DOCK1: variants seen among roughly 807,000 people sequenced by gnomAD.
The protein encoded by DOCK1 is dedicator of cytokinesis protein 1.
In DOCK1, 138 loss-of-function variants were observed where a neutral mutation model predicts 262.7. The observed-to-expected ratio is 0.53, with a 90% CI of 0.46 to 0.61. The LOEUF (loss-of-function observed/expected upper bound fraction) is 0.61. Ranked by LOEUF, DOCK1 falls within the 20% of genes least tolerant of loss-of-function variation. The pLI, the probability that DOCK1 is intolerant of heterozygous loss-of-function variation, is 0.00. For missense variants in DOCK1, 1,908 were observed against 2,370.7 expected (o/e 0.80, Z 4.05); for synonymous variants, 866 against 867.4 (o/e 1.00, Z 0.03).
At chr10:127,004,048 T>A (rs2040803260) in intron 10 of DOCK1, among the ~76,000 whole-genome samples, 1 of 151,238 alleles carries the variant, frequency 6.6e-6, no homozygotes, top group Non-Finnish European at 1.5e-5. Context: ...AGGTCAGGAG[T>A]TCGAGACCAG....
chr10:126,975,376 T>G (rs920985722), intron 2 of DOCK1, among the ~76,000 whole-genome samples: 3 of 152,112 alleles, frequency 2.0e-5, no homozygotes, highest in Non-Finnish European at 4.4e-5. Context: ...GGTTGCTGGG[T>G]CTTGGGTGTG....
intron 4 of DOCK1, among the ~76,000 whole-genome samples, chr10:126,983,823 TACCTATTCCC>T (rs555462013): frequency 1.1e-4 from 17 of 152,230 alleles, no homozygotes; most frequent in Non-Finnish European, 2.2e-4. Context: ...ACTGATTCTG[TACCTATTCCC>T]CCATAACCAA....
rs773109284 is a variant in DOCK1 at position 127,175,598 on chromosome 10, G to A, written c.2847+47834G>A. On this transcript the variant is annotated intron_variant, in intron 27 of 51. Coordinates refer to ENST00000623213, the MANE Select transcript of DOCK1 (RefSeq NM_001290223.2). The surrounding 1 kb of genome is among the most constrained non-coding windows in gnomAD (Gnocchi z 6.3). ...CTGCAGAGTCTGACAAACCAGGCTC[G>A]GGGGCCCTGGCACTGAGGGCAGGTG... 38 of 1,612,300 alleles carry A rather than the reference G, an allele frequency of 2.4e-5. No homozygotes were observed. The highest frequency in any genetic ancestry group is 3.0e-5 in the Non-Finnish European group (35 of 1,179,874).
chr10:127,089,385 G>T (rs1197812089), intron 23 of DOCK1, among the ~76,000 whole-genome samples: 1 of 152,102 alleles, frequency 6.6e-6, no homozygotes, highest in East Asian at 1.9e-4. Context: ...GGCCTCTTGC[G>T]CCTCCTCCAC....
At chr10:127,205,537 G>T (rs1417157625) in intron 27 of DOCK1, among the ~76,000 whole-genome samples, 2 of 152,226 alleles carry the variant, frequency 1.3e-5, no homozygotes, top group East Asian at 3.8e-4. Context: ...GATGGCGTAA[G>T]TGGATGGAGG....
chr10:127,306,711 G>A lies in DOCK1; in HGVS notation c.3045-32295G>A, dbSNP rs185608220. Among the ~76,000 whole-genome samples the A allele has an allele frequency of 5.8e-4, 89 of 152,254 alleles. 1 individual carries two copies. The highest frequency in any genetic ancestry group is 1.8e-3 in the African/African-American group (75 of 41,548). On this transcript the variant is annotated intron_variant, in intron 29 of 51. Transcript: ENST00000623213. ...GTTCTGTTTATACTGACTACATTAC[G>A]GGAAGCTTGGATAACTGTATGGGGG...
chr10:127,034,653 TG>T (rs1384202773), intron 18 of DOCK1, among the ~76,000 whole-genome samples: 4 of 152,108 alleles, frequency 2.6e-5, no homozygotes, highest in African/African-American at 9.7e-5. Flanking sequence ...CATCTCCAGG[TG>T]GGCCACACTT....
intron 30 of DOCK1, among the ~76,000 whole-genome samples, chr10:127,340,718 C>T (rs770276570): frequency 2.7e-4 from 41 of 152,180 alleles, no homozygotes; most frequent in Non-Finnish European, 5.0e-4. Context: ...CAGCCACTTT[C>T]TATCTAGAAT....
At chr10:127,192,148 C>A (rs1276749072) in intron 27 of DOCK1, among the ~76,000 whole-genome samples, 1 of 152,124 alleles carries the variant, frequency 6.6e-6, no homozygotes, top group Admixed American at 6.5e-5. Context: ...AGACTCTCTT[C>A]TTTTCTTTTT....
At chr10:127,105,654 C>T (rs1028569147) in intron 23 of DOCK1, among the ~76,000 whole-genome samples, 3 of 152,168 alleles carry the variant, frequency 2.0e-5, no homozygotes, top group African/African-American at 7.2e-5. Context: ...AGTATAGGCA[C>T]TTAGGCCACA....
At chr10:127,353,060 AG>A (rs1045684788) in intron 31 of DOCK1, among the ~76,000 whole-genome samples, 1 of 152,066 alleles carries the variant, frequency 6.6e-6, no homozygotes, top group African/African-American at 2.4e-5. Flanking sequence ...GTTTGTGTTC[AG>A]GGGGGCCACC....
chr10:127,267,263 A>C (rs2060395555), intron 29 of DOCK1, among the ~76,000 whole-genome samples: 1 of 152,212 alleles, frequency 6.6e-6, no homozygotes, highest in Admixed American at 6.5e-5. Flanking sequence ...ACCAAATGCT[A>C]CCTGTTCGAG....
chr10:127,269,458 AT>A (rs1371782914), intron 29 of DOCK1, among the ~76,000 whole-genome samples: 1 of 152,222 alleles, frequency 6.6e-6, no homozygotes, highest in Admixed American at 6.5e-5. Context: ...TTGTGAGGAT[AT>A]TTGTATATAT....
rs534801723 is a variant in DOCK1, at chr10:127,412,975, G to A, written c.4428+2051G>A. ...CTGGTCACTACAGTGTCCATTGTCT[G>A]CAACAGTGCGGGCAGAACCTAGGCA... On this transcript the variant is annotated intron_variant, in intron 43 of 51. Coordinates refer to ENST00000623213, the MANE Select transcript of DOCK1 (RefSeq NM_001290223.2). Among the ~76,000 whole-genome samples, 6 of 152,356 alleles carry A rather than the reference G, an allele frequency of 3.9e-5. No individual in the cohort carries two copies. The South Asian group carries it at 1.2e-3, about 32-fold the overall frequency.
intron 47 of DOCK1, among the ~76,000 whole-genome samples, chr10:127,426,419 T>C (rs564238496): frequency 1.3e-4 from 20 of 152,302 alleles, no homozygotes; most frequent in African/African-American, 4.6e-4. Context: ...CGACGGCCCA[T>C]GGCAGAGGTA....
At chr10:127,165,397 T>C (rs922598893) in intron 27 of DOCK1, among the ~76,000 whole-genome samples, 2 of 152,238 alleles carry the variant, frequency 1.3e-5, no homozygotes, top group African/African-American at 4.8e-5. Flanking sequence ...TGATCATTTA[T>C]AAATTTCTTG....
Position 127,033,130 on chromosome 10 carries a change from C to T in DOCK1, c.1912+810C>T, listed in dbSNP as rs144250289. 4.6e-5 allele frequency among the ~76,000 whole-genome samples: 7 copies of T among 152,298 alleles called. No homozygotes were observed. The East Asian group carries it at 1.4e-3, about 29-fold the overall frequency. On this transcript the variant is annotated intron_variant, in intron 18 of 51. Coordinates refer to ENST00000623213, the MANE Select transcript of DOCK1 (RefSeq NM_001290223.2). ...ACATGAACAGTGGGCTGGGAGCTCA[C>T]CTCCCTCTTTATGTCTTCCCCATTC...
chr10:127,149,887 G>C (rs1421979343), intron 27 of DOCK1, among the ~76,000 whole-genome samples: 5 of 152,184 alleles, frequency 3.3e-5, no homozygotes, highest in African/African-American at 9.7e-5. Flanking sequence ...TGGTGGTGTA[G>C]GGACTCACAG....
intron 29 of DOCK1, among the ~76,000 whole-genome samples, chr10:127,315,369 A>G (rs1164416408): frequency 6.6e-6 from 1 of 152,214 alleles, no homozygotes; most frequent in Non-Finnish European, 1.5e-5. Flanking sequence ...AAGATCATTA[A>G]GATATGGCCT....
Sources: allele counts gnomAD v4.1 joint callset (sites outside exome capture counted in the v4.1 genomes callset), GRCh38; gene constraint gnomAD v4.1.1; non-coding constraint Gnocchi (gnomAD v3.1); transcripts MANE v1.5; gene names NCBI Gene and HGNC (gene_info 2026-07-23, HGNC 2026-07-21).